SLC39A11: variants seen among roughly 807,000 people sequenced by gnomAD.
SLC39A11 encodes zinc transporter ZIP11.
In SLC39A11, 33 loss-of-function variants were observed where a neutral mutation model predicts 36.1. That is an observed-to-expected ratio of 0.91 (90% CI 0.69 to 1.22). SLC39A11 has a LOEUF of 1.22. Among genes scored for constraint, SLC39A11 ranks in the 50% most tolerant of loss-of-function variants. The pLI, the probability that SLC39A11 is intolerant of heterozygous loss-of-function variation, is 0.00. For missense variants in SLC39A11, 432 were observed against 430.3 expected (o/e 1.00, Z -0.03); for synonymous variants, 166 against 170.3 (o/e 0.97, Z 0.20).
chr17:73,078,617 G>A (rs1472779601), intron 3 of SLC39A11, among the ~76,000 whole-genome samples: 1 of 151,832 alleles, frequency 6.6e-6, no homozygotes, highest in African/African-American at 2.4e-5. Flanking sequence ...CTCCCAAGTA[G>A]CTAGGATTAC....
At chr17:73,006,345 A>G (rs1175982855) in intron 4 of SLC39A11, among the ~76,000 whole-genome samples, 2 of 152,234 alleles carry the variant, frequency 1.3e-5, no homozygotes, top group Non-Finnish European at 2.9e-5. Flanking sequence ...TGGATCTTCT[A>G]GATCAGAGGT....
At chr17:72,928,872 C>T (rs889621878) in intron 5 of SLC39A11, among the ~76,000 whole-genome samples, 2 of 152,230 alleles carry the variant, frequency 1.3e-5, no homozygotes, top group African/African-American at 4.8e-5. Context: ...ACTCAGTCAA[C>T]AGACATGCCC....
chr17:72,783,257 G>A (rs2076388658), intron 6 of SLC39A11, among the ~76,000 whole-genome samples: 1 of 152,170 alleles, frequency 6.6e-6, no homozygotes, highest in Admixed American at 6.5e-5. Context: ...AGAACTGTGA[G>A]AAATAAATGT....
chr17:72,742,383 C>G (rs2074750701), intron 6 of SLC39A11, among the ~76,000 whole-genome samples: 1 of 152,096 alleles, frequency 6.6e-6, no homozygotes, highest in South Asian at 2.1e-4. Context: ...ATATGAACTT[C>G]GAGAACATCT....
intron 6 of SLC39A11, among the ~76,000 whole-genome samples, chr17:72,754,633 G>C (rs2075300931): frequency 6.6e-6 from 1 of 152,118 alleles, no homozygotes; most frequent in African/African-American, 2.4e-5. Flanking sequence ...TCCTTATGTG[G>C]CTCCCTCCTA....
chr17:72,831,514 T>C (rs1163971677), intron 6 of SLC39A11, among the ~76,000 whole-genome samples: 2 of 152,220 alleles, frequency 1.3e-5, no homozygotes, highest in African/African-American at 4.8e-5. Flanking sequence ...TATCACAACT[T>C]GGAGAAGTCA....
intron 6 of SLC39A11, among the ~76,000 whole-genome samples, chr17:72,788,510 T>C (rs1013256987): frequency 6.6e-6 from 1 of 152,242 alleles, no homozygotes; most frequent in South Asian, 2.1e-4. Flanking sequence ...GGCTGTACTT[T>C]CCTTCAATTT....
chr17:72,690,422 C>T (rs905444968), intron 7 of SLC39A11, among the ~76,000 whole-genome samples: 2 of 152,050 alleles, frequency 1.3e-5, no homozygotes, highest in African/African-American at 4.8e-5. Flanking sequence ...GGTACTCACA[C>T]GGGGTTTGGA....
intron 5 of SLC39A11, among the ~76,000 whole-genome samples, chr17:72,932,656 A>C (rs887670122): frequency 6.6e-6 from 1 of 152,046 alleles, no homozygotes. Context: ...CTGGGCCAAA[A>C]AATTCCTACA....
At position 73,051,221 on chromosome 17, in the gene SLC39A11, CCTGT is replaced by C. The variant is rs538628623; in HGVS notation, c.148-19511_148-19508del. 1.2e-3 allele frequency among the ~76,000 whole-genome samples: 183 copies of C among 152,280 alleles called. 2 individuals are homozygous for C. Among genetic ancestry groups the C allele is most frequent in the Non-Finnish European group, 2.1e-3 (143 of 68,026 alleles). On this transcript the variant is annotated intron_variant, in intron 3 of 9. Transcript: ENST00000255559. Reference sequence around the variant, plus strand: ...CACTCCAGTCACCCGGCCACCCTCACCTGTCTGTTTGTCTGTGTCCCTCTTCTTA... The same window carrying C: ...CACTCCAGTCACCCGGCCACCCTCACCTGTTTGTCTGTGTCCCTCTTCTTA...
chr17:72,830,520 A>G (rs2078234546), intron 6 of SLC39A11, among the ~76,000 whole-genome samples: 1 of 152,194 alleles, frequency 6.6e-6, no homozygotes, highest in Admixed American at 6.5e-5. Context: ...TCTTCTGTCC[A>G]GCAACCTGAA....
At chr17:72,891,823 T>C (rs1207193948) in intron 5 of SLC39A11, among the ~76,000 whole-genome samples, 1 of 151,290 alleles carries the variant, frequency 6.6e-6, no homozygotes, top group South Asian at 2.1e-4. Context: ...ATTTAAAACA[T>C]AATTTTAAAA....
intron 5 of SLC39A11, among the ~76,000 whole-genome samples, chr17:72,882,798 T>TTTTTC (rs2081261590): frequency 1.6e-5 from 2 of 125,662 alleles, no homozygotes; most frequent in Admixed American, 8.2e-5. Flanking sequence ...AGAATGCTTC[T>TTTTTC]TTTTTTTTTT....
At chr17:73,047,892 C>G (rs139697057) in intron 3 of SLC39A11, among the ~76,000 whole-genome samples, 32,146 of 140,056 alleles carry the variant, frequency 0.23, 3,963 homozygotes, top group Admixed American at 0.28. Context: ...CGCTTGAACC[C>G]AGGAGGCAGA....
intron 5 of SLC39A11, among the ~76,000 whole-genome samples, chr17:72,877,042 T>G (rs986183859): frequency 6.6e-6 from 1 of 152,210 alleles, no homozygotes; most frequent in African/African-American, 2.4e-5. Context: ...AAATGCATAA[T>G]GTAGGTTAGT....
intron 7 of SLC39A11, among the ~76,000 whole-genome samples, chr17:72,662,512 AAG>A (rs1055458573): frequency 1.9e-4 from 28 of 143,782 alleles, no homozygotes; most frequent in Admixed American, 1.4e-3. Flanking sequence ...GGAGGGAAGA[AAG>A]AGAAGAAAGA....
intron 5 of SLC39A11, among the ~76,000 whole-genome samples, chr17:72,897,829 A>T (rs2082108202): frequency 6.6e-6 from 1 of 152,174 alleles, no homozygotes; most frequent in South Asian, 2.1e-4. Flanking sequence ...TGGGCGGCTG[A>T]CCCAGAGTTG....
At chr17:72,665,586 C>T (rs977071084) in intron 7 of SLC39A11, among the ~76,000 whole-genome samples, 30 of 151,704 alleles carry the variant, frequency 2.0e-4, no homozygotes, top group Non-Finnish European at 8.8e-5. Context: ...GGGGGTCTCA[C>T]TATATTTCCC....
intron 6 of SLC39A11, among the ~76,000 whole-genome samples, chr17:72,794,694 T>C (rs1214241530): frequency 6.6e-6 from 1 of 152,048 alleles, no homozygotes; most frequent in Non-Finnish European, 1.5e-5. Context: ...CGCCTCCCTC[T>C]TCCCATCTCT....
Sources: allele counts gnomAD v4.1 joint callset (sites outside exome capture counted in the v4.1 genomes callset), GRCh38; gene constraint gnomAD v4.1.1; transcripts MANE v1.5; gene names NCBI Gene and HGNC (gene_info 2026-07-23, HGNC 2026-07-21).